The following ZC3H12D variants were observed in gnomAD, a reference collection of about 807,000 sequenced individuals.
The protein encoded by ZC3H12D is probable ribonuclease ZC3H12D.
In ZC3H12D, 11 loss-of-function variants were observed where a neutral mutation model predicts 24.2. That is an observed-to-expected ratio of 0.46 (90% CI 0.29 to 0.75). The LOEUF (loss-of-function observed/expected upper bound fraction) is 0.75. ZC3H12D is among the 30% of genes least tolerant of loss of function. ZC3H12D has a pLI of 0.11. For synonymous variants in ZC3H12D, 333 were observed against 341.8 expected (o/e 0.97, Z 0.28); for missense variants, 740 against 767.7 (o/e 0.96, Z 0.43).
Position 149,448,303 on chromosome 6 carries a change from T to C in ZC3H12D, c.*2380A>G, listed in dbSNP as rs1163294598. 6.6e-6 allele frequency: 1 copy of C among 151,308 alleles called. No homozygotes were observed. Among genetic ancestry groups the C allele is most frequent in the Non-Finnish European group, 1.5e-5 (1 of 67,920 alleles). The allele number at this position is 151,308 out of a possible 1,614,324, so 9.4% of individuals were successfully genotyped here. The stretch of plus-strand genomic sequence containing the variant: ...CGAGACTCCGTTTCAAAAATAATAA[T>C]AATAAAAATTAAAATAAAAAAAATA... On this transcript the variant is annotated 3_prime_UTR_variant, in exon 6 of 6. Coordinates refer to ENST00000409806, the MANE Select transcript of ZC3H12D (RefSeq NM_207360.3).
intron 4 of ZC3H12D, among the ~76,000 whole-genome samples, chr6:149,453,576 C>T (rs148961213): frequency 1.1e-3 from 169 of 150,882 alleles, no homozygotes; most frequent in African/African-American, 3.8e-3. Flanking sequence ...TGCAGTGAGC[C>T]GAGATCATGC....
At chr6:149,476,811 A>AAATAGAATAG (rs58370843) in intron 1 of ZC3H12D, among the ~76,000 whole-genome samples, 94,429 of 150,862 alleles carry the variant, frequency 0.63, 30,543 homozygotes, top group East Asian at 0.84. Flanking sequence ...CTGTCTAAAA[A>AAATAGAATAG]AATAGAATAG....
rs1289786281 is a variant in ZC3H12D, at chr6:149,450,951, CG to C, written c.1315del (p.Arg439ValfsTer59). ...PRRPPDDPWA[R>X]PPRSDRFPGR... ...AGGGAAGCGGTCGGAGCGGGGTGGACGGGCCCACGGGTCGTCGGGTGGCCTG... is the reference window on the plus strand; with the variant it reads ...AGGGAAGCGGTCGGAGCGGGGTGGACGGCCCACGGGTCGTCGGGTGGCCTG... On this transcript the variant is annotated frameshift_variant, in exon 6 of 6. Transcript: ENST00000409806. LOFTEE classifies it low-confidence loss of function (END_TRUNC). The C allele has an allele frequency of 3.3e-6, 5 of 1,530,552 alleles. No individual in the cohort carries two copies. Among genetic ancestry groups the C allele is most frequent in the Non-Finnish European group, 4.4e-6 (5 of 1,140,804 alleles). The allele number at this position is 1,530,552 out of a possible 1,614,324, so 94.8% of individuals were successfully genotyped here. A position where few individuals can be genotyped will look rare whatever the true frequency, so the allele number is the denominator to read the frequency against.
chr6:149,450,802 A>G lies in ZC3H12D; in HGVS notation c.1465T>C (p.Phe489Leu), dbSNP rs1455302464. 1.4e-5 allele frequency: 22 copies of G among 1,548,712 alleles called. No homozygotes were observed. Among genetic ancestry groups the G allele is most frequent in the Non-Finnish European group, 1.9e-5 (22 of 1,146,780 alleles). The change falls in exon 6 of 6, where the codon TTC becomes CTC. Residue 489 changes from phenylalanine (F) to leucine (L), a missense_variant. Coordinates refer to ENST00000409806, the MANE Select transcript of ZC3H12D (RefSeq NM_207360.3). ...ACGCGGTCCACCTGGTCACGCGGGA[A>G]GACGCTGTAGAGCGCGATGCGAGCC... ...ARARIALYSV[F>L]PRDQVDRVMA...
chr6:149,454,896 C>T (rs960300929), intron 4 of ZC3H12D, among the ~76,000 whole-genome samples: 1 of 152,250 alleles, frequency 6.6e-6, no homozygotes, highest in Non-Finnish European at 1.5e-5. Context: ...TGCTGCCATG[C>T]CTCTGGCCCT....
chr6:149,456,936 C>T lies in ZC3H12D; in HGVS notation c.446-36G>A, dbSNP rs752879740. 6.3e-6 allele frequency: 10 copies of T among 1,575,078 alleles called. No homozygotes were observed. In the East Asian group the frequency reaches 9.0e-5, roughly 14 times the overall value. On this transcript the variant is annotated intron_variant, in intron 3 of 5. Transcript: ENST00000409806. This position sits in a 1 kb window ranked among gnomAD's most constrained non-coding sequence, Gnocchi z 4.3. ...GGCGACGGAGACGCGGGTGAGGGCC[C>T]AAGGGCACCGCCCCTGAGAACCACC...
At chr6:149,466,241 C>T (rs77514577) in intron 2 of ZC3H12D, among the ~76,000 whole-genome samples, 3,597 of 151,846 alleles carry the variant, frequency 0.024, 152 homozygotes, top group African/African-American at 0.083. Flanking sequence ...ACCCCTTTTC[C>T]GGCCAATATC....
At position 149,480,437 on chromosome 6, in the gene ZC3H12D, C is replaced by T. The variant is rs148686481; in HGVS notation, c.-71+4376G>A. On this transcript the variant is annotated intron_variant, in intron 1 of 5. Coordinates refer to ENST00000409806, the MANE Select transcript of ZC3H12D (RefSeq NM_207360.3). ...CTCACTTATAAGTGGGAGTGAAACA[C>T]GGAGTACATGTGGACACAAAGAAGA... Among the ~76,000 whole-genome samples, 319 of 152,256 alleles carry T rather than the reference C, an allele frequency of 2.1e-3. 3 individuals carry two copies. The highest frequency in any genetic ancestry group is 6.8e-3 in the African/African-American group (281 of 41,528).
chr6:149,476,386 C>G (rs762447005), intron 1 of ZC3H12D, among the ~76,000 whole-genome samples: 2 of 152,152 alleles, frequency 1.3e-5, no homozygotes, highest in Non-Finnish European at 1.5e-5. Flanking sequence ...CACCTGTAAT[C>G]TCAGCTACTT....
chr6:149,455,385 G>A (rs1775962986), intron 4 of ZC3H12D, among the ~76,000 whole-genome samples: 1 of 152,212 alleles, frequency 6.6e-6, no homozygotes, highest in Non-Finnish European at 1.5e-5. Flanking sequence ...TCACAGAGCT[G>A]AGGAGTTTGT....
intron 2 of ZC3H12D, among the ~76,000 whole-genome samples, chr6:149,465,860 A>G (rs392932): frequency 0.36 from 55,039 of 151,318 alleles, 10,508 homozygotes; most frequent in African/African-American, 0.46. Flanking sequence ...TCCTCACCCC[A>G]CCCCCCAATT....
intron 1 of ZC3H12D, among the ~76,000 whole-genome samples, chr6:149,479,713 T>C (rs1394363534): frequency 1.3e-5 from 2 of 152,210 alleles, no homozygotes; most frequent in Non-Finnish European, 2.9e-5. Flanking sequence ...TTTGTTTTTT[T>C]AATTTTTAGA....
At position 149,456,687 on chromosome 6, in the gene ZC3H12D, A is replaced by G; in HGVS notation, c.659T>C (p.Met220Thr). The stretch of plus-strand genomic sequence containing the variant: ...CTACCGGTCGTTGACGAAGGAGAAC[A>G]TGAGCAGCCTCTGCTCGATGAACCA... ...WKWFIEQRLL[M>T]FSFVNDRFMP... The change falls in exon 4 of 6, where the codon ATG becomes ACG. Residue 220 changes from methionine (M) to threonine (T), a missense_variant. Physicochemically the swap from Met to Thr is moderately conservative, Grantham distance 81. Coordinates refer to ENST00000409806, the MANE Select transcript of ZC3H12D (RefSeq NM_207360.3). This position sits in a 1 kb window ranked among gnomAD's most constrained non-coding sequence, Gnocchi z 4.3. 6.2e-7 allele frequency: 1 copy of G among 1,613,260 alleles called. No homozygotes were observed. The highest frequency in any genetic ancestry group is 8.5e-7 in the Non-Finnish European group (1 of 1,179,544).
intron 3 of ZC3H12D, among the ~76,000 whole-genome samples, chr6:149,457,723 TCTG>T (rs1776006419): frequency 6.6e-6 from 1 of 152,052 alleles, no homozygotes; most frequent in African/African-American, 2.4e-5. Context: ...GAGGCTAAAA[TCTG>T]CATCCCAGGA....
At chr6:149,461,745 C>A in intron 3 of ZC3H12D, 86 bp downstream of exon 3, 1 of 1,387,840 alleles carries the variant, frequency 7.2e-7, no homozygotes, top group South Asian at 1.4e-5. Context: ...AAACAAACAA[C>A]TAAGTAGATA....
chr6:149,476,228 C>T (rs1434873446), intron 1 of ZC3H12D, among the ~76,000 whole-genome samples: 4 of 152,138 alleles, frequency 2.6e-5, no homozygotes, highest in South Asian at 4.1e-4. Context: ...TTTTGGGGGC[C>T]GGGCGCAGTG....
intron 1 of ZC3H12D, 102 bp from the exon 2 acceptor site, chr6:149,474,715 A>G (rs1426833860): frequency 1.9e-6 from 1 of 517,630 alleles, no homozygotes; most frequent in Non-Finnish European, 3.1e-6. Context: ...CTGTCAGGAA[A>G]TCAGGTGGAG....
intron 3 of ZC3H12D, among the ~76,000 whole-genome samples, chr6:149,458,128 CTTTTTTTT>C (rs1189920889): frequency 7.6e-4 from 30 of 39,734 alleles, no homozygotes; most frequent in Non-Finnish European, 1.8e-4. Flanking sequence ...TTTTTCGTTT[CTTTTTTTT>C]TTTTTTTTTT....
intron 1 of ZC3H12D, among the ~76,000 whole-genome samples, chr6:149,480,034 C>A (rs1488552607): frequency 1.3e-5 from 2 of 152,098 alleles, no homozygotes; most frequent in African/African-American, 4.8e-5. Flanking sequence ...TTTTCCATAA[C>A]CACCCTCCCC....
Sources: gnomAD v4.1 joint callset for allele counts (sites outside exome capture counted in the v4.1 genomes callset) on GRCh38, gnomAD v4.1.1 for gene constraint, Gnocchi (gnomAD v3.1) non-coding constraint, MANE v1.5 for transcripts, NCBI Gene and HGNC (gene_info 2026-07-23, HGNC 2026-07-21) for gene names.